The following MACROD2 variants were observed in gnomAD, a reference collection of about 807,000 sequenced individuals.
MACROD2 encodes ADP-ribose glycohydrolase MACROD2.
MACROD2 carries 36 observed loss-of-function variants against 70.4 expected under a neutral mutation model. The ratio of observed to expected loss-of-function variants is 0.51; its 90% CI spans 0.39 to 0.68. The LOEUF (loss-of-function observed/expected upper bound fraction) is 0.68, where lower values mean the gene tolerates loss of function less well. MACROD2 is among the 30% of genes least tolerant of loss of function. The pLI is 0.00. For synonymous variants in MACROD2, 172 were observed against 178.8 expected (o/e 0.96, Z 0.30); for missense variants, 496 against 538.4 (o/e 0.92, Z 0.78).
At chr20:15,671,587 C>T (rs926845518) in intron 8 of MACROD2, among the ~76,000 whole-genome samples, 3 of 152,184 alleles carry the variant, frequency 2.0e-5, no homozygotes, top group Admixed American at 2.0e-4. Context: ...ATACTGACTA[C>T]TTGGTGTCTA....
chr20:15,088,161 T>G (rs1016302285), intron 5 of MACROD2, among the ~76,000 whole-genome samples: 6 of 151,648 alleles, frequency 4.0e-5, no homozygotes, highest in Non-Finnish European at 7.4e-5. Flanking sequence ...TTTGGAGAAT[T>G]TATCCTACAA....
chr20:15,601,164 T>C (rs1318654130), intron 8 of MACROD2, among the ~76,000 whole-genome samples: 1 of 152,240 alleles, frequency 6.6e-6, no homozygotes, highest in Non-Finnish European at 1.5e-5. Flanking sequence ...TTCTCACTAC[T>C]GACTCCCTCA....
rs554225505 is a variant in MACROD2 at position 14,531,985 on chromosome 20, G to A, written c.301+38477G>A. Among the ~76,000 whole-genome samples, 7 of 152,280 alleles carry A rather than the reference G, an allele frequency of 4.6e-5. No homozygotes were observed. In the South Asian group the frequency reaches 1.4e-3, roughly 32 times the overall value. On this transcript the variant is annotated intron_variant, in intron 4 of 17. Transcript: ENST00000684519. The stretch of plus-strand genomic sequence containing the variant: ...TCTCAGCCAGCACTCGACGTTCACT[G>A]TGTGGACACATTCCAATGAGTTTTG...
chr20:14,289,384 A>G lies in MACROD2; in HGVS notation c.271+203656A>G, dbSNP rs531152682. 2.5e-4 allele frequency among the ~76,000 whole-genome samples: 38 copies of G among 152,360 alleles called. No homozygotes were observed. The South Asian group carries it at 7.5e-3, about 30-fold the overall frequency. ...CTTGCTCACTGTAGTAAATTGAACA[A>G]TACAAAGGTGTGGCCTCTGTGTAAA... On this transcript the variant is annotated intron_variant, in intron 3 of 17. Coordinates refer to ENST00000684519, the MANE Select transcript of MACROD2 (RefSeq NM_001351661.2).
intron 5 of MACROD2, among the ~76,000 whole-genome samples, chr20:14,697,900 G>C (rs2071145597): frequency 6.6e-6 from 1 of 152,196 alleles, no homozygotes; most frequent in African/African-American, 2.4e-5. Context: ...ACTAGGCAAG[G>C]ATTTTTACCC....
At chr20:15,585,207 T>TC (rs1281918391) in intron 8 of MACROD2, among the ~76,000 whole-genome samples, 1 of 151,218 alleles carries the variant, frequency 6.6e-6, no homozygotes. Flanking sequence ...TTTTTCTTTT[T>TC]TTTTTTTTTA....
At chr20:14,921,774 G>A (rs183683183) in intron 5 of MACROD2, among the ~76,000 whole-genome samples, 6 of 152,286 alleles carry the variant, frequency 3.9e-5, no homozygotes, top group Admixed American at 1.3e-4. Context: ...ATGCCAATAG[G>A]TCTAGCAGAG....
At chr20:14,991,990 C>T (rs2074908565) in intron 5 of MACROD2, among the ~76,000 whole-genome samples, 1 of 152,164 alleles carries the variant, frequency 6.6e-6, no homozygotes, top group Admixed American at 6.5e-5. Flanking sequence ...GTATTAAGCA[C>T]TTGTCATATT....
chr20:15,856,239 T>G (rs1404518197), intron 8 of MACROD2, among the ~76,000 whole-genome samples: 2 of 152,150 alleles, frequency 1.3e-5, no homozygotes, highest in African/African-American at 4.8e-5. Context: ...AAGCTGTTAG[T>G]TTTTAATACA....
At chr20:14,783,251 C>T (rs2072324641) in intron 5 of MACROD2, among the ~76,000 whole-genome samples, 1 of 152,118 alleles carries the variant, frequency 6.6e-6, no homozygotes, top group Admixed American at 6.5e-5. Flanking sequence ...CTCACAAAGG[C>T]CTGCAAGAAG....
chr20:15,162,092 A>G (rs563266892), intron 5 of MACROD2, among the ~76,000 whole-genome samples: 2 of 152,220 alleles, frequency 1.3e-5, no homozygotes, highest in African/African-American at 2.4e-5. Context: ...GGGACTAAAT[A>G]TCGTGAAGAG....
intron 12 of MACROD2, among the ~76,000 whole-genome samples, chr20:15,943,268 C>T (rs1008395303): frequency 1.3e-5 from 2 of 152,154 alleles, no homozygotes; most frequent in Non-Finnish European, 2.9e-5. Context: ...CTCTGGAAAA[C>T]GGCATTGTTT....
intron 8 of MACROD2, among the ~76,000 whole-genome samples, chr20:15,581,652 G>A (rs557413797): frequency 7.9e-5 from 12 of 152,300 alleles, no homozygotes; most frequent in South Asian, 2.1e-4. Flanking sequence ...TCAGAGGAGC[G>A]TCCCTGAGGA....
intron 4 of MACROD2, among the ~76,000 whole-genome samples, chr20:14,518,935 T>C (rs1340671729): frequency 1.3e-5 from 2 of 152,160 alleles, no homozygotes; most frequent in African/African-American, 4.8e-5. Context: ...ATTCATGACA[T>C]TATGAAAGCA....
intron 8 of MACROD2, among the ~76,000 whole-genome samples, chr20:15,683,664 C>T (rs1189654580): frequency 2.6e-5 from 4 of 152,044 alleles, no homozygotes; most frequent in African/African-American, 9.7e-5. Context: ...CTGCAACCTC[C>T]ACCTCCTGGG....
intron 10 of MACROD2, among the ~76,000 whole-genome samples, chr20:15,922,968 T>C (rs1049394499): frequency 1.5e-3 from 2 of 1,314 alleles, no homozygotes; most frequent in African/African-American, 7.6e-3. Flanking sequence ...TTATGAAAAG[T>C]CTATTTTTGT....
At position 14,747,102 on chromosome 20, in the gene MACROD2, A is replaced by G. The variant is rs183691170; in HGVS notation, c.418+62143A>G. Reference sequence around the variant, plus strand: ...CTGCTATCCAACAAAACCAACATGAATAGCAGTGCCTATAAAGGTAGCGTG... The same window carrying G: ...CTGCTATCCAACAAAACCAACATGAGTAGCAGTGCCTATAAAGGTAGCGTG... On this transcript the variant is annotated intron_variant, in intron 5 of 17. Transcript: ENST00000684519. Among the ~76,000 whole-genome samples, 7 of 152,324 alleles carry G rather than the reference A, an allele frequency of 4.6e-5. No individual in the cohort carries two copies. The East Asian group carries it at 1.3e-3, about 29-fold the overall frequency.
intron 8 of MACROD2, among the ~76,000 whole-genome samples, chr20:15,850,849 G>A (rs1462674982): frequency 1.3e-5 from 2 of 152,148 alleles, no homozygotes; most frequent in Non-Finnish European, 2.9e-5. Context: ...AGGGTTACAT[G>A]TATAGCGTAT....
At chr20:14,049,287 G>C (rs947625777) in intron 2 of MACROD2, among the ~76,000 whole-genome samples, 11 of 151,780 alleles carry the variant, frequency 7.2e-5, no homozygotes, top group African/African-American at 2.7e-4. Flanking sequence ...AAAGTAGATG[G>C]ACTGAGAGGG....
Sources: allele counts gnomAD v4.1 joint callset (sites outside exome capture counted in the v4.1 genomes callset), GRCh38; gene constraint gnomAD v4.1.1; transcripts MANE v1.5; gene names NCBI Gene and HGNC (gene_info 2026-07-23, HGNC 2026-07-21).